CCDC18: variants seen among roughly 807,000 people sequenced by gnomAD.
CCDC18 encodes the protein coiled-coil domain containing 18.
Under a neutral mutation model 196.0 loss-of-function variants are expected in CCDC18, and 157 were observed. That is an observed-to-expected ratio of 0.80 (90% CI 0.70 to 0.91). CCDC18 has a LOEUF of 0.91. Ranked by LOEUF, CCDC18 falls within the 40% of genes least tolerant of loss-of-function variation. The pLI, the probability that CCDC18 is intolerant of heterozygous loss-of-function variation, is 0.00. For synonymous variants in CCDC18, 482 were observed against 529.2 expected, an observed-to-expected ratio of 0.91 and a Z score of 1.22; for missense variants, 1,465 against 1,611.6, an observed-to-expected ratio of 0.91 and a Z score of 1.56.
At chr1:93,245,833 C>G (rs145442293) in intron 21 of CCDC18, among the ~76,000 whole-genome samples, 1 of 151,882 alleles carries the variant, frequency 6.6e-6, no homozygotes, top group African/African-American at 2.4e-5. Flanking sequence ...TCTTGGAGTC[C>G]TGGGAGTGTT....
At chr1:93,248,992 AAAT>A (rs1390873729) in intron 23 of CCDC18, among the ~76,000 whole-genome samples, 13 of 151,804 alleles carry the variant, frequency 8.6e-5, no homozygotes, top group African/African-American at 1.9e-4. Flanking sequence ...AAAAAAAAAA[AAAT>A]GTTCCCTCCT....
chr1:93,264,897 C>T lies in CCDC18; in HGVS notation c.3881C>T (p.Thr1294Ile), dbSNP rs1175202084. 4 of 1,588,642 alleles carry T rather than the reference C, an allele frequency of 2.5e-6. No homozygotes were observed. The African/African-American group carries it at 5.4e-5, about 21-fold the overall frequency. The change falls in exon 27 of 29, where the codon ACT becomes ATT. Residue 1294 changes from threonine (T) to isoleucine (I), a missense_variant. Thr to Ile is a moderately conservative substitution (Grantham distance 89). Coordinates refer to ENST00000690025, the MANE Select transcript of CCDC18 (RefSeq NM_001378204.1). ...VIEAANEALL[T>I]KESELTRLQA... Reference sequence around the variant, plus strand: ...GAAGCTGCAAATGAAGCATTACTTACTAAAGTAAGTAAACATATAAAAGTA... The same window carrying T: ...GAAGCTGCAAATGAAGCATTACTTATTAAAGTAAGTAAACATATAAAAGTA...
At chr1:93,248,097 C>A (rs1412924719) in intron 23 of CCDC18, among the ~76,000 whole-genome samples, 2 of 147,920 alleles carry the variant, frequency 1.4e-5, no homozygotes, top group East Asian at 2.0e-4. Context: ...CTCACTGCAA[C>A]CTCCGCCTCC....
rs536362602 is a variant in CCDC18 at position 93,276,895 on chromosome 1, C to T, written c.4354-1568C>T. Among the ~76,000 whole-genome samples the T allele has an allele frequency of 8.3e-3, 1,207 of 145,368 alleles. 22 individuals carry two copies. The highest frequency in any genetic ancestry group is 0.03 in the African/African-American group (1,116 of 37,620). On this transcript the variant is annotated intron_variant, in intron 28 of 28. Transcript: ENST00000690025. ...GTATAGAGAAAGAAATAAGGGGACC[C>T]GGGGAACCAGGGTTCAGCATATGGA...
At chr1:93,204,709 G>A (rs1391524154) in intron 7 of CCDC18, among the ~76,000 whole-genome samples, 1 of 152,014 alleles carries the variant, frequency 6.6e-6, no homozygotes, top group African/African-American at 2.4e-5. Context: ...TCACTTGGCA[G>A]TGTAAAATAT....
At chr1:93,265,393 A>C (rs557063546) in intron 27 of CCDC18, among the ~76,000 whole-genome samples, 437 of 152,332 alleles carry the variant, frequency 2.9e-3, no homozygotes, top group Non-Finnish European at 5.5e-3. Flanking sequence ...AGTCTTAAGA[A>C]AAAGTTGAAT....
intron 27 of CCDC18, among the ~76,000 whole-genome samples, chr1:93,270,089 A>T (rs1235651637): frequency 6.6e-6 from 1 of 152,210 alleles, no homozygotes; most frequent in Admixed American, 6.6e-5. Context: ...TAACACCAAA[A>T]ATATATATAT....
intron 2 of CCDC18, 102 bp from the exon 3 acceptor site, chr1:93,183,876 C>T (rs1403012196): frequency 6.0e-6 from 4 of 663,870 alleles, no homozygotes; most frequent in Non-Finnish European, 6.9e-6. Flanking sequence ...TGTGAATCTG[C>T]TTAGCAGCAT....
intron 3 of CCDC18, 66 bp downstream of exon 3, chr1:93,184,212 AT>A: frequency 4.8e-5 from 39 of 816,148 alleles, no homozygotes; most frequent in Non-Finnish European, 5.9e-5. Flanking sequence ...CTTAAAAAAA[AT>A]TTTTTTTAAT....
At chr1:93,264,990 A>T (rs562289495) in intron 27 of CCDC18, 89 bp downstream of exon 27, 9 of 814,326 alleles carry the variant, frequency 1.1e-5, no homozygotes, top group Non-Finnish European at 1.8e-5. Flanking sequence ...ATAGAGGACT[A>T]TATGACCAAA....
intron 24 of CCDC18, among the ~76,000 whole-genome samples, chr1:93,254,941 CTTTTTTTTTTTTT>C (rs34139452): frequency 4.5e-5 from 2 of 44,268 alleles, no homozygotes; most frequent in Non-Finnish European, 7.4e-5. Context: ...GAGGAGTCAG[CTTTTTTTTTTTTT>C]TTTTTTTTTT....
intron 21 of CCDC18, among the ~76,000 whole-genome samples, chr1:93,245,705 C>G (rs1661412178): frequency 6.6e-6 from 1 of 152,116 alleles, no homozygotes; most frequent in Non-Finnish European, 1.5e-5. Context: ...TGGTTAAATG[C>G]CTCATTCAAT....
At chr1:93,216,470 T>C (rs1422789145) in intron 12 of CCDC18, among the ~76,000 whole-genome samples, 166 bp from the exon 13 acceptor site, 1 of 152,206 alleles carries the variant, frequency 6.6e-6, no homozygotes, top group Admixed American at 6.5e-5. Context: ...TTATGTGGGT[T>C]AAAAAGTTAT....
At chr1:93,257,254 A>AC (rs1465808530) in intron 25 of CCDC18, among the ~76,000 whole-genome samples, 2 of 149,554 alleles carry the variant, frequency 1.3e-5, no homozygotes, top group Non-Finnish European at 3.0e-5. Flanking sequence ...AAAAAAAAAA[A>AC]AAAAACATGA....
chr1:93,200,709 T>C (rs1653680719), intron 6 of CCDC18, among the ~76,000 whole-genome samples: 1 of 152,168 alleles, frequency 6.6e-6, no homozygotes, highest in Non-Finnish European at 1.5e-5. Flanking sequence ...GAGTGAAGAT[T>C]CATTAAAACG....
At position 93,258,860 on chromosome 1, in the gene CCDC18, CT is replaced by C; in HGVS notation, c.3660del (p.Leu1221SerfsTer9). 1.3e-6 allele frequency: 2 copies of C among 1,599,496 alleles called. No homozygotes were observed. The highest frequency in any genetic ancestry group is 1.7e-6 in the Non-Finnish European group (2 of 1,173,912). On this transcript the variant is annotated frameshift_variant, in exon 26 of 29. Coordinates refer to ENST00000690025, the MANE Select transcript of CCDC18 (RefSeq NM_001378204.1). LOFTEE classifies it high-confidence loss of function. ...EIKKLSAEVESLKEAYHMEMI... is the reference protein window; with the variant it reads ...EIKKLSAEVEXLKEAYHMEMI... ...AAGAAATTGTCAGCAGAAGTAGAATCTCTCAAAGAAGCTTATCATATGGAGG... is the reference window on the plus strand; with the variant it reads ...AAGAAATTGTCAGCAGAAGTAGAATCCTCAAAGAAGCTTATCATATGGAGG...
At chr1:93,246,378 T>C (rs906127809) in intron 22 of CCDC18, among the ~76,000 whole-genome samples, 174 bp downstream of exon 22, 1 of 152,180 alleles carries the variant, frequency 6.6e-6, no homozygotes, top group Admixed American at 6.5e-5. Context: ...GATATTTTTC[T>C]AGCAAGTAGA....
intron 6 of CCDC18, 114 bp downstream of exon 6, chr1:93,193,858 A>C (rs1652267172): frequency 4.2e-6 from 3 of 720,666 alleles, no homozygotes; most frequent in Non-Finnish European, 6.4e-6. Context: ...TTGGCAATAA[A>C]TTAACTTAAT....
intron 7 of CCDC18, 128 bp downstream of exon 7, chr1:93,202,116 T>A: frequency 1.8e-6 from 1 of 545,052 alleles, no homozygotes; most frequent in Non-Finnish European, 3.2e-6. Flanking sequence ...CAAAATCATT[T>A]AAATAAACAA....
Sources: gnomAD v4.1 joint callset for allele counts (sites outside exome capture counted in the v4.1 genomes callset) on GRCh38, gnomAD v4.1.1 for gene constraint, MANE v1.5 for transcripts, NCBI Gene and HGNC (gene_info 2026-07-23, HGNC 2026-07-21) for gene names.